GLIS3: variants seen among roughly 807,000 people sequenced by gnomAD.
GLIS3 encodes zinc finger protein GLIS3.
In GLIS3, 53 loss-of-function variants were observed where a neutral mutation model predicts 78.6. The observed-to-expected ratio is 0.67, with a 90% CI of 0.54 to 0.85. The LOEUF is 0.85. Among genes scored for constraint, GLIS3 ranks in the 40% least tolerant of loss-of-function variants. GLIS3 has a pLI of 0.00. For synonymous variants in GLIS3, 684 were observed against 509.9 expected (o/e 1.34, Z -4.60); for missense variants, 1,703 against 1,231.1 (o/e 1.38, Z -5.74).
At chr9:4,342,847 G>C (rs1376518099) in intron 2 of GLIS3, among the ~76,000 whole-genome samples, 1 of 151,990 alleles carries the variant, frequency 6.6e-6, no homozygotes, top group Non-Finnish European at 1.5e-5. Context: ...TTTATTTTGT[G>C]TGTGTGGCTA....
intron 2 of GLIS3, among the ~76,000 whole-genome samples, chr9:4,215,810 A>G (rs1464371637): frequency 1.3e-5 from 2 of 152,234 alleles, no homozygotes; most frequent in African/African-American, 4.8e-5. Context: ...CTTCAACAGT[A>G]TGACAATACT....
At chr9:4,303,590 AT>A (rs1817150937), upstream of GLIS3, among the ~76,000 whole-genome samples, 1 of 152,232 alleles carries the variant, frequency 6.6e-6, no homozygotes, top group South Asian at 2.1e-4. Flanking sequence ...CATTCACAAC[AT>A]CATACCTCTT....
At chr9:4,104,474 G>A (rs1830606388) in intron 4 of GLIS3, among the ~76,000 whole-genome samples, 1 of 152,160 alleles carries the variant, frequency 6.6e-6, no homozygotes, top group South Asian at 2.1e-4. Context: ...TCAATTCTAA[G>A]AGGTTTGGTC....
rs200778223 is a variant in GLIS3, at chr9:4,118,529, T to G, written c.949A>C (p.Asn317His). 2 of 1,614,180 alleles carry G rather than the reference T, an allele frequency of 1.2e-6. No individual in the cohort carries two copies. Among genetic ancestry groups the G allele is most frequent in the East Asian group, 4.5e-5 (2 of 44,880 alleles). The part of the protein sequence containing the change: ...PLSDGIGIDF[N>H]TIIRTSPTSL... ...GTGGGCGACGTGCGGATGATGGTAT[T>G]GAAATCTATCCCGATGCCATCGGAC... is the stretch of plus-strand genomic sequence containing the variant. The change falls in exon 4 of 11, where the codon AAT (asparagine) becomes CAT (histidine). Residue 317 changes from asparagine (N) to histidine (H), a missense_variant. Transcript: ENST00000381971. The surrounding 1 kb of genome is among the most constrained non-coding windows in gnomAD (Gnocchi z 4.7).
chr9:4,197,237 T>C (rs1818948022), intron 2 of GLIS3, among the ~76,000 whole-genome samples: 1 of 152,054 alleles, frequency 6.6e-6, no homozygotes, highest in Non-Finnish European at 1.5e-5. Flanking sequence ...TGCCCCACCT[T>C]CCCTATGCAG....
chr9:4,387,898 G>C, the GLIS3 span, among the ~76,000 whole-genome samples: 1 of 152,182 alleles, frequency 6.6e-6, no homozygotes, highest in Non-Finnish European at 1.5e-5. Flanking sequence ...TTTCATGAGG[G>C]ATACATTTCT....
At chr9:4,171,899 G>C (rs1189614659) in intron 2 of GLIS3, among the ~76,000 whole-genome samples, 1 of 152,132 alleles carries the variant, frequency 6.6e-6, no homozygotes, top group East Asian at 1.9e-4. Flanking sequence ...GTCATTTAAA[G>C]GGAAACCAAT....
the GLIS3 span, among the ~76,000 whole-genome samples, chr9:4,425,714 T>A: frequency 3.9e-5 from 6 of 152,130 alleles, no homozygotes; most frequent in Non-Finnish European, 8.8e-5. Context: ...ACACCTCACA[T>A]GAGATGTGCC....
chr9:3,937,056 G>A lies in GLIS3; in HGVS notation c.1844C>T (p.Ala615Val), dbSNP rs766317696. ...QKAFSNSSDR[A>V]KHQRTHLDTK... ...GTCCAGATGCGTCCGCTGGTGTTTG[G>A]CGCGGTCACTGGAGTTACTGAAGGC... The change falls in exon 5 of 11, where the codon GCC becomes GTC. Residue 615 changes from alanine (A) to valine (V), a missense_variant. Physicochemically the swap from Ala to Val is moderately conservative, Grantham distance 64. Coordinates refer to ENST00000381971, the MANE Select transcript of GLIS3 (RefSeq NM_001042413.2). 6 of 1,613,278 alleles carry A rather than the reference G, an allele frequency of 3.7e-6. No individual in the cohort carries two copies. Among genetic ancestry groups the A allele is most frequent in the Non-Finnish European group, 4.2e-6 (5 of 1,180,004 alleles).
intron 4 of GLIS3, among the ~76,000 whole-genome samples, chr9:4,000,661 C>G (rs1821066878): frequency 6.6e-6 from 1 of 152,172 alleles, no homozygotes; most frequent in African/African-American, 2.4e-5. Context: ...AGGACAAAAT[C>G]TAACTTCCAG....
At chr9:4,275,780 G>T (rs1374218927) in intron 2 of GLIS3, among the ~76,000 whole-genome samples, 2 of 151,974 alleles carry the variant, frequency 1.3e-5, no homozygotes, top group African/African-American at 4.8e-5. Flanking sequence ...AAATAAGCAA[G>T]TAAGTAAATA....
At chr9:3,915,971 C>T (rs1824484352) in intron 6 of GLIS3, among the ~76,000 whole-genome samples, 1 of 152,076 alleles carries the variant, frequency 6.6e-6, no homozygotes, top group Admixed American at 6.6e-5. Flanking sequence ...TTTTATCTGA[C>T]TTAAAAGAAA....
At chr9:4,397,968 C>T in the GLIS3 span, among the ~76,000 whole-genome samples, 1 of 152,052 alleles carries the variant, frequency 6.6e-6, no homozygotes, top group Admixed American at 6.5e-5. Flanking sequence ...TTCCCCGTCT[C>T]CTACAGACAG....
At chr9:4,362,505 T>A in the GLIS3 span, among the ~76,000 whole-genome samples, 1 of 152,308 alleles carries the variant, frequency 6.6e-6, no homozygotes, top group South Asian at 2.1e-4. Flanking sequence ...TTTATTAAAA[T>A]CCTATAGCAA....
intron 4 of GLIS3, among the ~76,000 whole-genome samples, chr9:3,945,823 A>G (rs1178762847): frequency 6.6e-6 from 1 of 152,194 alleles, no homozygotes; most frequent in Admixed American, 6.5e-5. Flanking sequence ...TAAAAAGTAG[A>G]AAAACAAAAA....
chr9:3,865,810 A>G (rs1820536851), intron 8 of GLIS3, among the ~76,000 whole-genome samples: 1 of 152,206 alleles, frequency 6.6e-6, no homozygotes, highest in Non-Finnish European at 1.5e-5. Context: ...TGGCACTTAA[A>G]ACATGGTTTC....
At chr9:4,203,142 C>A (rs376565128) in intron 2 of GLIS3, among the ~76,000 whole-genome samples, 8 of 152,102 alleles carry the variant, frequency 5.3e-5, no homozygotes, top group African/African-American at 1.9e-4. Context: ...AAAACAATCC[C>A]ATTTACCAAA....
At chr9:4,290,145 A>T in intron 1 of GLIS3, among the ~76,000 whole-genome samples, 1 of 152,166 alleles carries the variant, frequency 6.6e-6, no homozygotes, top group South Asian at 2.1e-4. Flanking sequence ...AATATCATTA[A>T]CAGACCCATC....
intron 2 of GLIS3, among the ~76,000 whole-genome samples, chr9:4,247,243 T>C (rs985648213): frequency 1.3e-5 from 2 of 152,214 alleles, no homozygotes; most frequent in African/African-American, 4.8e-5. Context: ...AACAGACTCA[T>C]CAAGCAGTTG....
Sources: gnomAD v4.1 joint callset for allele counts (sites outside exome capture counted in the v4.1 genomes callset) on GRCh38, gnomAD v4.1.1 for gene constraint, Gnocchi (gnomAD v3.1) non-coding constraint, MANE v1.5 for transcripts, NCBI Gene and HGNC (gene_info 2026-07-23, HGNC 2026-07-21) for gene names.